The following FOXP2 variants were observed in gnomAD, a reference collection of about 807,000 sequenced individuals.
The protein encoded by FOXP2 is forkhead box P2, also known as forkhead box protein P2.
FOXP2 carries 12 observed loss-of-function variants against 115.8 expected under a neutral mutation model. The observed-to-expected ratio is 0.10, with a 90% confidence interval of 0.07 to 0.17. The LOEUF is 0.17. Ranked by LOEUF, FOXP2 falls within the 10% of genes least tolerant of loss-of-function variation. The pLI, the probability that FOXP2 is intolerant of heterozygous loss-of-function variation, is 1.00. For synonymous variants in FOXP2, 328 were observed against 297.7 expected (o/e 1.10, Z -1.05); for missense variants, 629 against 843.5 (o/e 0.75, Z 3.15).
intron 1 of FOXP2, chr7:114,416,376 T>G (rs1793342054): frequency 6.6e-6 from 1 of 152,006 alleles, no homozygotes; most frequent in African/African-American, 2.4e-5. Flanking sequence ...AAGTTCTTAC[T>G]GCAACACCAA....
At chr7:114,419,232 G>A (rs1212246971) in intron 1 of FOXP2, among the ~76,000 whole-genome samples, 1 of 151,734 alleles carries the variant, frequency 6.6e-6, no homozygotes. Flanking sequence ...TACTGTTATT[G>A]GCATTTTCTA....
intron 6 of FOXP2, among the ~76,000 whole-genome samples, chr7:114,632,637 T>C (rs1051410314): frequency 1.3e-5 from 2 of 152,094 alleles, no homozygotes. Context: ...CTAAAGAAAA[T>C]CAGGAGTATC....
upstream of FOXP2, among the ~76,000 whole-genome samples, chr7:114,159,133 A>G (rs767199644): frequency 5.9e-5 from 9 of 152,250 alleles, no homozygotes; most frequent in East Asian, 3.9e-4. Context: ...GGAAACTGAC[A>G]TGGTAGAGGC....
chr7:114,132,889 C>T (rs934181228), intron 1 of FOXP2, among the ~76,000 whole-genome samples: 1 of 152,026 alleles, frequency 6.6e-6, no homozygotes, highest in Non-Finnish European at 1.5e-5. Flanking sequence ...TTATTCTAGG[C>T]CACTGGAGGG....
intron 1 of FOXP2, among the ~76,000 whole-genome samples, chr7:114,100,187 C>T (rs946030380): frequency 2.6e-5 from 4 of 152,114 alleles, no homozygotes; most frequent in African/African-American, 7.2e-5. Flanking sequence ...TGTATTTACA[C>T]AGGATGTTTT....
chr7:114,131,276 C>T (rs1409567833), intron 1 of FOXP2, among the ~76,000 whole-genome samples: 1 of 152,160 alleles, frequency 6.6e-6, no homozygotes, highest in African/African-American at 2.4e-5. Context: ...AGTCCATTTG[C>T]TTCAGTACCC....
intron 3 of FOXP2, among the ~76,000 whole-genome samples, chr7:114,548,910 C>T (rs1206432244): frequency 2.0e-5 from 3 of 152,158 alleles, no homozygotes; most frequent in Middle Eastern, 3.2e-3. Context: ...GAATTTTAAA[C>T]AAGTTCAGAG....
intron 1 of FOXP2, among the ~76,000 whole-genome samples, chr7:114,102,696 C>CCACATACACA (rs1554414686): frequency 6.6e-5 from 9 of 136,388 alleles, no homozygotes; most frequent in South Asian, 2.3e-4. Flanking sequence ...ACACCACACA[C>CCACATACACA]CACACACACA....
chr7:114,628,010 T>G (rs1804689120), intron 3 of FOXP2, among the ~76,000 whole-genome samples: 1 of 152,098 alleles, frequency 6.6e-6, no homozygotes. Context: ...TATATTTATT[T>G]TCTAGTACTT....
rs187093463 is a variant in FOXP2 at position 114,139,195 on chromosome 7, G to A, written c.-246-23749G>A. The stretch of plus-strand genomic sequence containing the variant: ...ATTTTTAAAATCAACTTTTTGGTAG[G>A]TATTACTATTTTCATGTTAGAGCGG... On this transcript the variant is annotated intron_variant, in intron 1 of 19. Transcript: ENST00000635638. 3.3e-3 allele frequency among the ~76,000 whole-genome samples: 499 copies of A among 152,130 alleles called. 2 individuals carry two copies. The highest frequency in any genetic ancestry group is 0.01 in the Middle Eastern group (3 of 292).
chr7:114,271,929 A>T (rs1034635448), intron 1 of FOXP2, among the ~76,000 whole-genome samples: 4 of 127,598 alleles, frequency 3.1e-5, no homozygotes, highest in African/African-American at 1.2e-4. Flanking sequence ...TATAATTATT[A>T]TAATATTAAT....
chr7:114,218,669 G>A (rs1794544621), intron 1 of FOXP2, among the ~76,000 whole-genome samples: 1 of 152,100 alleles, frequency 6.6e-6, no homozygotes, highest in Admixed American at 6.6e-5. Context: ...CTAAGTTAAG[G>A]AAAGTCCAAT....
At chr7:114,430,097 T>C (rs542643259) in intron 2 of FOXP2, among the ~76,000 whole-genome samples, 21 of 151,814 alleles carry the variant, frequency 1.4e-4, no homozygotes, top group Non-Finnish European at 2.4e-4. Context: ...TGAAGTTTTA[T>C]GTTGACATAT....
At chr7:114,533,114 A>G (rs1799219053) in intron 2 of FOXP2, among the ~76,000 whole-genome samples, 1 of 151,998 alleles carries the variant, frequency 6.6e-6, no homozygotes, top group African/African-American at 2.4e-5. Context: ...GTTAAAAAAC[A>G]ACAACAAAGA....
At chr7:114,664,484 T>A in intron 16 of FOXP2, 48 bp downstream of exon 16, 1 of 1,604,502 alleles carries the variant, frequency 6.2e-7, no homozygotes, top group South Asian at 1.1e-5. Context: ...TATATTAATA[T>A]GCTTCTTAAA....
intron 2 of FOXP2, among the ~76,000 whole-genome samples, chr7:114,402,158 T>G (rs944746243): frequency 6.6e-6 from 1 of 151,784 alleles, no homozygotes; most frequent in East Asian, 1.9e-4. Context: ...TAAAAAGATA[T>G]AGATAAAATT....
At chr7:114,218,585 T>G (rs1259938424) in intron 1 of FOXP2, among the ~76,000 whole-genome samples, 1 of 152,198 alleles carries the variant, frequency 6.6e-6, no homozygotes, top group African/African-American at 2.4e-5. Context: ...CCACATTCTT[T>G]ATTTCTAGAC....
chr7:114,231,022 CAATAAATGAATTCAGCA>C (rs1794861933), intron 1 of FOXP2, among the ~76,000 whole-genome samples: 1 of 150,188 alleles, frequency 6.7e-6, no homozygotes, highest in Non-Finnish European at 1.5e-5. Flanking sequence ...CCATTAGAAG[CAATAAATGAATTCAGCA>C]AATTTGCAGG....
chr7:114,600,616 GT>G (rs1317321905), intron 3 of FOXP2, among the ~76,000 whole-genome samples: 1 of 152,150 alleles, frequency 6.6e-6, no homozygotes, highest in African/African-American at 2.4e-5. Context: ...GATGTATTGT[GT>G]TACATTCCCA....
Sources: gnomAD v4.1 joint callset for allele counts (sites outside exome capture counted in the v4.1 genomes callset) on GRCh38, gnomAD v4.1.1 for gene constraint, MANE v1.5 for transcripts, NCBI Gene and HGNC (gene_info 2026-07-23, HGNC 2026-07-21) for gene names.